NLGN1: variants seen among roughly 807,000 people sequenced by gnomAD.
The protein encoded by NLGN1 is neuroligin-1.
Under a neutral mutation model 65.5 loss-of-function variants are expected in NLGN1, and 12 were observed. The observed-to-expected ratio is 0.18, with a 90% CI of 0.12 to 0.30. The LOEUF (loss-of-function observed/expected upper bound fraction) is 0.30. NLGN1 is among the 10% of genes least tolerant of loss of function. The probability of loss-of-function intolerance (pLI) is 1.00; values close to 1 mark genes in which losing one functional copy is unlikely to be tolerated. For missense variants in NLGN1, 750 were observed against 1,007.1 expected (o/e 0.74, Z 3.46); for synonymous variants, 350 against 359.5 (o/e 0.97, Z 0.30).
chr3:174,149,073 G>A (rs1259635371), intron 4 of NLGN1, among the ~76,000 whole-genome samples: 1 of 152,134 alleles, frequency 6.6e-6, no homozygotes, highest in Non-Finnish European at 1.5e-5. Context: ...TGGTGAACAA[G>A]GAAGTTCTTA....
At chr3:173,543,413 A>C (rs1000932413) in intron 2 of NLGN1, among the ~76,000 whole-genome samples, 2 of 152,164 alleles carry the variant, frequency 1.3e-5, no homozygotes, top group Non-Finnish European at 2.9e-5. Flanking sequence ...TCCCAGCATT[A>C]TTCTGCCTTT....
chr3:173,635,947 C>T (rs946431389), intron 3 of NLGN1, among the ~76,000 whole-genome samples: 12 of 152,084 alleles, frequency 7.9e-5, no homozygotes, highest in East Asian at 1.9e-4. Context: ...CAAGAACACT[C>T]GGCAGGCTCC....
At chr3:174,233,486 C>CATA (rs57467873) in intron 4 of NLGN1, among the ~76,000 whole-genome samples, 4,936 of 146,862 alleles carry the variant, frequency 0.034, 99 homozygotes, top group African/African-American at 0.051. Flanking sequence ...AACTCTGTCT[C>CATA]ATAATAATAA....
chr3:173,907,291 G>T (rs1738607868), intron 4 of NLGN1, among the ~76,000 whole-genome samples: 1 of 152,144 alleles, frequency 6.6e-6, no homozygotes, highest in Non-Finnish European at 1.5e-5. Flanking sequence ...ATATCAAAAT[G>T]TTATGTCAAG....
intron 4 of NLGN1, among the ~76,000 whole-genome samples, chr3:174,090,705 C>T (rs148995317): frequency 1.3e-4 from 19 of 151,012 alleles, no homozygotes; most frequent in Admixed American, 7.9e-4. Flanking sequence ...AATATTTGTA[C>T]GTGACGGAAG....
At chr3:173,587,886 T>A (rs1240846343) in intron 2 of NLGN1, among the ~76,000 whole-genome samples, 1 of 151,596 alleles carries the variant, frequency 6.6e-6, no homozygotes, top group Admixed American at 6.6e-5. Flanking sequence ...AGCTAACACA[T>A]TTGCTATAGA....
At chr3:174,264,501 A>C (rs1349533186) in intron 4 of NLGN1, among the ~76,000 whole-genome samples, 2 of 149,868 alleles carry the variant, frequency 1.3e-5, no homozygotes, top group Non-Finnish European at 3.0e-5. Flanking sequence ...TGCATTCTTC[A>C]CGTAGTTCTC....
intron 3 of NLGN1, among the ~76,000 whole-genome samples, chr3:173,770,738 T>C (rs1290551846): frequency 1.3e-5 from 2 of 152,054 alleles, no homozygotes; most frequent in Non-Finnish European, 2.9e-5. Flanking sequence ...TCCTCATCTG[T>C]GAAATGAAAA....
chr3:174,202,489 T>G (rs1246600822), intron 4 of NLGN1, among the ~76,000 whole-genome samples: 3 of 152,204 alleles, frequency 2.0e-5, no homozygotes, highest in African/African-American at 7.2e-5. Flanking sequence ...AAAATAGTTT[T>G]GAAACTCAGA....
chr3:174,257,720 A>AATATAT (rs148487842), intron 4 of NLGN1, among the ~76,000 whole-genome samples: 4 of 146,526 alleles, frequency 2.7e-5, no homozygotes, highest in African/African-American at 9.9e-5. Context: ...GAACTAGTGG[A>AATATAT]ATATATATAT....
At chr3:173,673,142 G>GA (rs1762673798) in intron 3 of NLGN1, among the ~76,000 whole-genome samples, 1 of 152,076 alleles carries the variant, frequency 6.6e-6, no homozygotes, top group African/African-American at 2.4e-5. Flanking sequence ...TTTCCCTCAT[G>GA]AAAAATCTGA....
chr3:174,259,465 C>T (rs569620479), intron 4 of NLGN1, among the ~76,000 whole-genome samples: 3 of 151,566 alleles, frequency 2.0e-5, no homozygotes, highest in South Asian at 2.1e-4. Flanking sequence ...TTTCGATAGC[C>T]TAAGAATTAC....
intron 2 of NLGN1, among the ~76,000 whole-genome samples, chr3:173,486,802 T>G (rs917382159): frequency 1.3e-5 from 2 of 152,200 alleles, no homozygotes; most frequent in Admixed American, 1.3e-4. Flanking sequence ...GTAACTAATA[T>G]GTATGTTTCA....
At chr3:173,519,086 A>C (rs1448751221) in intron 2 of NLGN1, among the ~76,000 whole-genome samples, 1 of 152,196 alleles carries the variant, frequency 6.6e-6, no homozygotes, top group African/African-American at 2.4e-5. Flanking sequence ...ACTGCTTCAG[A>C]GGGTGCAAAC....
rs1717385113 is a variant in NLGN1 at position 173,976,094 on chromosome 3, A to C, written c.646+168262A>C. Among the ~76,000 whole-genome samples the C allele has an allele frequency of 3.3e-5, 5 of 152,224 alleles. 1 individual carries two copies. In the South Asian group the frequency reaches 1.0e-3, roughly 31 times the overall value. On this transcript the variant is annotated intron_variant, in intron 4 of 6. Coordinates refer to ENST00000457714, the Ensembl canonical transcript of NLGN1. ...ACAATTGGAGTTGTGGAGATAACATAAATATTCTACAACTCTACATTCAGG... is the reference window on the plus strand; with the variant it reads ...ACAATTGGAGTTGTGGAGATAACATCAATATTCTACAACTCTACATTCAGG...
At chr3:173,539,920 C>T (rs537756456) in intron 2 of NLGN1, among the ~76,000 whole-genome samples, 4 of 140,916 alleles carry the variant, frequency 2.8e-5, no homozygotes, top group Admixed American at 1.5e-4. Context: ...ATATAACATA[C>T]GTGTGTGTGT....
intron 4 of NLGN1, among the ~76,000 whole-genome samples, chr3:174,088,805 T>TAAAA (rs1553930927): frequency 3.5e-4 from 51 of 144,172 alleles, no homozygotes; most frequent in African/African-American, 1.2e-3. Flanking sequence ...AATAAATAAA[T>TAAAA]AAAACTAGAT....
intron 2 of NLGN1, among the ~76,000 whole-genome samples, chr3:173,584,077 A>G (rs1373064306): frequency 6.6e-6 from 1 of 151,956 alleles, no homozygotes; most frequent in African/African-American, 2.4e-5. Flanking sequence ...GTAGACAAAA[A>G]AAAAAAAATA....
chr3:173,539,681 T>TATATGTATATATGTACATATATA (rs1402914096), intron 2 of NLGN1, among the ~76,000 whole-genome samples: 70 of 98,720 alleles, frequency 7.1e-4, no homozygotes, highest in African/African-American at 2.9e-3. Flanking sequence ...ATATATAACA[T>TATATGTATATATGTACATATATA]ACATATATGT....
Sources: gnomAD v4.1 joint callset for allele counts (sites outside exome capture counted in the v4.1 genomes callset) on GRCh38, gnomAD v4.1.1 for gene constraint, MANE v1.5 for transcripts, NCBI Gene and HGNC (gene_info 2026-07-23, HGNC 2026-07-21) for gene names.